Variants in MGMT observed in about 807,000 individuals in gnomAD.
The protein encoded by MGMT is O-6-methylguanine-DNA methyltransferase.
A neutral mutation model predicts 15.9 loss-of-function variants in MGMT; 14 were observed. The ratio of observed to expected loss-of-function variants is 0.88; its 90% CI spans 0.58 to 1.37. The LOEUF (loss-of-function observed/expected upper bound fraction) is 1.37. Among genes scored for constraint, MGMT ranks in the 40% most tolerant of loss-of-function variants. MGMT has a pLI of 0.00. For synonymous variants in MGMT, 130 were observed against 118.2 expected, an observed-to-expected ratio of 1.10 and a Z score of -0.65; for missense variants, 282 against 268.1, an observed-to-expected ratio of 1.05 and a Z score of -0.36.
chr10:129,493,816 A>T (rs1424876590), intron 1 of MGMT, among the ~76,000 whole-genome samples: 1 of 152,182 alleles, frequency 6.6e-6, no homozygotes, highest in Non-Finnish European at 1.5e-5. Flanking sequence ...GGTTTGCTGC[A>T]ATACTCTCTA....
chr10:129,733,070 C>T (rs1182319292), intron 3 of MGMT, among the ~76,000 whole-genome samples: 5 of 150,410 alleles, frequency 3.3e-5, no homozygotes, highest in Non-Finnish European at 7.4e-5. Flanking sequence ...TGGGTATATA[C>T]CCAGTAATGG....
At chr10:129,635,090 G>A (rs1447744309) in intron 2 of MGMT, among the ~76,000 whole-genome samples, 1 of 152,194 alleles carries the variant, frequency 6.6e-6, no homozygotes, top group Non-Finnish European at 1.5e-5. Context: ...GATGGTCTGT[G>A]AATAGGAGGC....
intron 2 of MGMT, among the ~76,000 whole-genome samples, chr10:129,703,838 G>A (rs968924659): frequency 1.3e-5 from 2 of 152,178 alleles, no homozygotes; most frequent in African/African-American, 4.8e-5. Context: ...TGTCAGCTGA[G>A]CTCTTGCTGC....
chr10:129,521,065 G>A (rs546228249), intron 1 of MGMT, among the ~76,000 whole-genome samples: 4 of 152,252 alleles, frequency 2.6e-5, no homozygotes, highest in Admixed American at 6.5e-5. Flanking sequence ...TCAGATGTCC[G>A]GGTGCCCAGC....
intron 4 of MGMT, among the ~76,000 whole-genome samples, chr10:129,761,070 T>A (rs953181110): frequency 3.9e-5 from 6 of 152,164 alleles, no homozygotes. Context: ...GCTGCTGTCT[T>A]CTCCCCGGTT....
At chr10:129,575,967 C>G (rs1194478604) in intron 2 of MGMT, among the ~76,000 whole-genome samples, 2 of 152,176 alleles carry the variant, frequency 1.3e-5, no homozygotes, top group Non-Finnish European at 2.9e-5. Context: ...CACATACACT[C>G]TCCCAAGACT....
intron 2 of MGMT, among the ~76,000 whole-genome samples, chr10:129,576,350 C>T (rs1287606074): frequency 1.3e-5 from 2 of 152,160 alleles, no homozygotes; most frequent in African/African-American, 2.4e-5. Flanking sequence ...ATCAAGTGGG[C>T]TTCATCCCTG....
Position 129,527,300 on chromosome 10 carries a change from C to T in MGMT, c.-12-8941C>T, listed in dbSNP as rs986226132. ...ACATGCCCTGTTACAGCTTTTGGAG[C>T]CCCCCTTAGGACCGATGGTTCGAAT... On this transcript the variant is annotated intron_variant, in intron 1 of 4. Transcript: ENST00000651593. Among the ~76,000 whole-genome samples the T allele has an allele frequency of 3.0e-5, 4 of 133,494 alleles. No individual in the cohort carries two copies. The South Asian group carries it at 6.5e-4, about 22-fold the overall frequency. 87.6% of individuals were successfully genotyped at this position (133,494 alleles called of 152,430 possible).
intron 2 of MGMT, among the ~76,000 whole-genome samples, chr10:129,600,201 G>A (rs758517412): frequency 9.1e-4 from 139 of 152,216 alleles, no homozygotes; most frequent in Non-Finnish European, 1.7e-3. Context: ...CTCTGCGTCC[G>A]CCCATCCATG....
chr10:129,575,681 G>A (rs549195467), intron 2 of MGMT, among the ~76,000 whole-genome samples: 3,916 of 148,784 alleles, frequency 0.026, 65 homozygotes, highest in South Asian at 0.045. Context: ...AAATAACTAA[G>A]ATCAGAGCAG....
At chr10:129,672,551 C>T (rs573342982) in intron 2 of MGMT, among the ~76,000 whole-genome samples, 38 of 152,262 alleles carry the variant, frequency 2.5e-4, no homozygotes, top group African/African-American at 8.7e-4. Flanking sequence ...CCGTGGGGTC[C>T]ATTGTGTTGA....
chr10:129,510,763 C>A (rs1003626179), intron 1 of MGMT, among the ~76,000 whole-genome samples: 1 of 152,082 alleles, frequency 6.6e-6, no homozygotes, highest in Non-Finnish European at 1.5e-5. Context: ...GATGGGAACC[C>A]CAGATACCAG....
intron 3 of MGMT, among the ~76,000 whole-genome samples, chr10:129,726,922 C>A (rs1480744700): frequency 2.0e-5 from 3 of 152,144 alleles, no homozygotes; most frequent in Non-Finnish European, 2.9e-5. Context: ...ATAATTAATT[C>A]TAATTTTGAG....
intron 1 of MGMT, among the ~76,000 whole-genome samples, chr10:129,528,217 G>A (rs1301507191): frequency 2.1e-5 from 3 of 140,072 alleles, no homozygotes; most frequent in Admixed American, 1.4e-4. Flanking sequence ...GACTACTCTG[G>A]TTTGAAGAAA....
intron 2 of MGMT, among the ~76,000 whole-genome samples, chr10:129,549,428 T>C (rs1398323593): frequency 6.6e-6 from 1 of 152,204 alleles, no homozygotes; most frequent in African/African-American, 2.4e-5. Flanking sequence ...ATTTTTAGCC[T>C]TAATATCTGA....
rs548565027 is a variant in MGMT at position 129,667,157 on chromosome 10, G to A, written c.126-40738G>A. ...CTTTGTGTAACCATCATGCAGATCA[G>A]GAGACAAACCATGGCGGCCCCTCAG... On this transcript the variant is annotated intron_variant, in intron 2 of 4. Coordinates refer to ENST00000651593, the MANE Select transcript of MGMT (RefSeq NM_002412.5). Among the ~76,000 whole-genome samples, 149 of 152,282 alleles carry A rather than the reference G, an allele frequency of 9.8e-4. 1 individual carries two copies. The South Asian group carries it at 0.029, about 30-fold the overall frequency.
At chr10:129,721,530 TA>T (rs1237327358) in intron 3 of MGMT, among the ~76,000 whole-genome samples, 5 of 152,248 alleles carry the variant, frequency 3.3e-5, no homozygotes, top group Non-Finnish European at 5.9e-5. Flanking sequence ...TTATTTTATT[TA>T]AAAGATGATT....
chr10:129,645,863 C>T (rs1255267110), intron 2 of MGMT, among the ~76,000 whole-genome samples: 1 of 152,188 alleles, frequency 6.6e-6, no homozygotes, highest in South Asian at 2.1e-4. Context: ...AGTGGCCAGT[C>T]GGCCGAGGGC....
chr10:129,612,443 G>T (rs1036881843), intron 2 of MGMT, among the ~76,000 whole-genome samples: 1 of 152,220 alleles, frequency 6.6e-6, no homozygotes, highest in Non-Finnish European at 1.5e-5. Context: ...TTTGATGGTT[G>T]GGGTTAGAAT....
Sources: allele counts gnomAD v4.1 joint callset (sites outside exome capture counted in the v4.1 genomes callset), GRCh38; gene constraint gnomAD v4.1.1; transcripts MANE v1.5; gene names NCBI Gene and HGNC (gene_info 2026-07-23, HGNC 2026-07-21).